SAMD5: variants seen among roughly 807,000 people sequenced by gnomAD.
SAMD5 encodes the protein sterile alpha motif domain containing 5.
In SAMD5, 13 loss-of-function variants were observed where a neutral mutation model predicts 11.3. That is an observed-to-expected ratio of 1.15 (90% CI 0.75 to 1.83). The LOEUF (loss-of-function observed/expected upper bound fraction) is 1.83. SAMD5 is among the 40% of genes most tolerant of loss of function. The pLI, the probability that SAMD5 is intolerant of heterozygous loss-of-function variation, is 0.00. For missense variants in SAMD5, 255 were observed against 239.1 expected (o/e 1.07, Z -0.44); for synonymous variants, 129 against 111.3 (o/e 1.16, Z -1.00).
intron 1 of SAMD5, among the ~76,000 whole-genome samples, chr6:147,682,981 G>A (rs1790960748): frequency 6.6e-6 from 1 of 152,130 alleles, no homozygotes; most frequent in Admixed American, 6.6e-5. Context: ...GTAATCAAAG[G>A]TATTTATTTT....
At chr6:147,701,849 A>G (rs1463288316) in intron 1 of SAMD5, among the ~76,000 whole-genome samples, 1 of 152,144 alleles carries the variant, frequency 6.6e-6, no homozygotes, top group African/African-American at 2.4e-5. Flanking sequence ...GAACATAGAA[A>G]CTTACTTAAA....
At chr6:147,842,317 T>C in the SAMD5 span, among the ~76,000 whole-genome samples, 2 of 151,990 alleles carry the variant, frequency 1.3e-5, no homozygotes, top group East Asian at 3.9e-4. Flanking sequence ...ATGGGAAGTC[T>C]CAGCCATTGT....
intron 1 of SAMD5, among the ~76,000 whole-genome samples, chr6:147,721,784 T>C (rs1044857348): frequency 6.6e-6 from 1 of 152,174 alleles, no homozygotes; most frequent in African/African-American, 2.4e-5. Context: ...TTTAAGCCAA[T>C]TGTGTTGAAA....
At chr6:147,571,078 A>C (rs150962563), downstream of SAMD5, among the ~76,000 whole-genome samples, 285 of 152,270 alleles carry the variant, frequency 1.9e-3, 4 homozygotes, top group East Asian at 0.03. Context: ...TCATAAACTA[A>C]AGCTCCAAGC....
At chr6:147,666,774 C>T (rs970145760) in intron 1 of SAMD5, among the ~76,000 whole-genome samples, 43 of 152,224 alleles carry the variant, frequency 2.8e-4, no homozygotes, top group African/African-American at 1.0e-3. Context: ...AATCCCAAGC[C>T]GGAAAAAGTC....
At chr6:147,850,352 G>A in the SAMD5 span, among the ~76,000 whole-genome samples, 12 of 152,108 alleles carry the variant, frequency 7.9e-5, no homozygotes, top group African/African-American at 2.9e-4. Flanking sequence ...AAATTAACTG[G>A]TTTTTAAATT....
At chr6:147,877,847 T>TACACACACACACACACACAC in the SAMD5 span, among the ~76,000 whole-genome samples, 45 of 113,112 alleles carry the variant, frequency 4.0e-4, no homozygotes, top group East Asian at 1.1e-3. Flanking sequence ...TTTATATAAA[T>TACACACACACACACACACAC]ACACACACAC....
At chr6:147,889,069 T>C in the SAMD5 span, among the ~76,000 whole-genome samples, 41 of 152,314 alleles carry the variant, frequency 2.7e-4, no homozygotes, top group African/African-American at 9.1e-4. Context: ...CAAATACTTT[T>C]TGTTTCCTCA....
At chr6:147,788,583 C>A in the SAMD5 span, among the ~76,000 whole-genome samples, 1 of 152,144 alleles carries the variant, frequency 6.6e-6, no homozygotes, top group African/African-American at 2.4e-5. Context: ...TCTATACTTT[C>A]AAAATAAGAT....
chr6:147,511,500 G>A (rs1427158668), intron 1 of SAMD5, among the ~76,000 whole-genome samples: 2 of 152,104 alleles, frequency 1.3e-5, no homozygotes, highest in Admixed American at 6.5e-5. Flanking sequence ...TAGCAATAAT[G>A]CTTGATAACA....
chr6:147,732,491 T>C (rs1214208647), intron 1 of SAMD5, among the ~76,000 whole-genome samples: 1 of 152,216 alleles, frequency 6.6e-6, no homozygotes, highest in African/African-American at 2.4e-5. Context: ...ATATAAAGCT[T>C]GAATTCTTAC....
At chr6:147,791,122 T>G in the SAMD5 span, among the ~76,000 whole-genome samples, 1 of 151,556 alleles carries the variant, frequency 6.6e-6, no homozygotes, top group Non-Finnish European at 1.5e-5. Flanking sequence ...TGGGGAAACC[T>G]CACCTCTACT....
chr6:147,846,224 A>T, the SAMD5 span, among the ~76,000 whole-genome samples: 1 of 152,182 alleles, frequency 6.6e-6, no homozygotes, highest in South Asian at 2.1e-4. Flanking sequence ...AAGGTTAGGG[A>T]TTTCGGGGAT....
chr6:147,844,505 T>C, the SAMD5 span, among the ~76,000 whole-genome samples: 2 of 152,254 alleles, frequency 1.3e-5, no homozygotes, highest in African/African-American at 4.8e-5. Flanking sequence ...CCGAAGGGAA[T>C]TGATACCAGT....
chr6:147,834,581 A>G, the SAMD5 span, among the ~76,000 whole-genome samples: 1 of 152,168 alleles, frequency 6.6e-6, no homozygotes, highest in African/African-American at 2.4e-5. Flanking sequence ...TGATATGTGC[A>G]CTCATTTGTA....
At chr6:147,871,201 G>T in the SAMD5 span, among the ~76,000 whole-genome samples, 1 of 152,114 alleles carries the variant, frequency 6.6e-6, no homozygotes, top group Admixed American at 6.5e-5. Flanking sequence ...AATTTAATTA[G>T]AAATCTGTTT....
the SAMD5 span, among the ~76,000 whole-genome samples, chr6:147,931,462 C>G: frequency 2.0e-5 from 3 of 152,138 alleles, no homozygotes; most frequent in African/African-American, 4.8e-5. Flanking sequence ...TTTGCAGAAC[C>G]TAAGTCCAGC....
the SAMD5 span, among the ~76,000 whole-genome samples, chr6:147,867,279 G>GTTTTTTTTTTT: frequency 8.7e-6 from 1 of 115,396 alleles, no homozygotes; most frequent in Non-Finnish European, 1.8e-5. Context: ...GGTCAAAAAG[G>GTTTTTTTTTTT]TTTTTTTTTT....
At chr6:147,758,353 A>G in the SAMD5 span, among the ~76,000 whole-genome samples, 13 of 152,212 alleles carry the variant, frequency 8.5e-5, no homozygotes, top group African/African-American at 3.1e-4. Context: ...GAAACAGACA[A>G]TCAAACAAAT....
Sources: allele counts gnomAD v4.1 joint callset (sites outside exome capture counted in the v4.1 genomes callset), GRCh38; gene constraint gnomAD v4.1.1; transcripts MANE v1.5; gene names NCBI Gene and HGNC (gene_info 2026-07-23, HGNC 2026-07-21).